ZBTB32: variants seen among roughly 807,000 people sequenced by gnomAD.
The protein encoded by ZBTB32 is zinc finger and BTB domain-containing protein 32.
In ZBTB32, 28 loss-of-function variants were observed where a neutral mutation model predicts 45.3. That is an observed-to-expected ratio of 0.62 (90% CI 0.46 to 0.85). The LOEUF is 0.85. Ranked by LOEUF, ZBTB32 falls within the 40% of genes least tolerant of loss-of-function variation. ZBTB32 has a pLI of 0.00. For synonymous variants in ZBTB32, 283 were observed against 255.7 expected (o/e 1.11, Z -1.02); for missense variants, 587 against 624.4 (o/e 0.94, Z 0.64).
At position 35,705,928 on chromosome 19, in the gene ZBTB32, T is replaced by TA. The variant is rs543252977; in HGVS notation, c.-222+1319dup. 3.3e-3 allele frequency among the ~76,000 whole-genome samples: 408 copies of TA among 121,798 alleles called. 3 individuals are homozygous for TA. Among genetic ancestry groups the TA allele is most frequent in the Middle Eastern group, 9.5e-3 (2 of 210 alleles). The allele number at this position is 121,798 out of a possible 152,430, so 79.9% of individuals were successfully genotyped here. ...TCTGTCTCAAAAAAAAAAAATTAAT[T>TA]AAAAAAAAAAAAAAGCAGGGCCAGG... On this transcript the variant is annotated intron_variant, in intron 1 of 6. Coordinates refer to ENST00000392197, the MANE Select transcript of ZBTB32 (RefSeq NM_014383.3).
rs773889744 is a variant in ZBTB32, at chr19:35,715,440, T to C, written c.814T>C (p.Tyr272His). Residue 272 changes from tyrosine (Y) to histidine (H), a missense_variant, in exon 3 of 7, where the codon TAT becomes CAT. Physicochemically the swap from Tyr to His is moderately conservative, Grantham distance 83. Coordinates refer to ENST00000392197, the MANE Select transcript of ZBTB32 (RefSeq NM_014383.3). ...GAGCATCCTGCTGATGCCGCCCAGA[T>C]ATGGCATTCCCTTCTACCATAGCAC... ...LWSILLMPPR[Y>H]GIPFYHSTPT... 3 of 1,593,934 alleles carry C rather than the reference T, an allele frequency of 1.9e-6. No homozygotes were observed. The highest frequency in any genetic ancestry group is 1.7e-4 in the Middle Eastern group (1 of 5,964).
intron 1 of ZBTB32, among the ~76,000 whole-genome samples, chr19:35,707,754 G>T (rs1968584215): frequency 6.6e-6 from 1 of 152,074 alleles, no homozygotes; most frequent in Non-Finnish European, 1.5e-5. Context: ...GGCTGAGGCG[G>T]GTGGATCACT....
intron 1 of ZBTB32, among the ~76,000 whole-genome samples, chr19:35,710,716 G>A (rs969662050): frequency 2.0e-5 from 3 of 152,182 alleles, no homozygotes. Context: ...TGGCGCCACT[G>A]CACTCCAGCT....
rs557267295 is a variant in ZBTB32, at chr19:35,710,546, G to A, written c.-221-2371G>A. Among the ~76,000 whole-genome samples the A allele has an allele frequency of 3.3e-5, 5 of 151,984 alleles. No homozygotes were observed. In the East Asian group the frequency reaches 9.7e-4, roughly 30 times the overall value. Reference sequence around the variant, plus strand: ...AGCAGTGGATCACCTGAGGTTAGGAGTTCGAGACCAGCCTGGCTAACATGG... The same window carrying A: ...AGCAGTGGATCACCTGAGGTTAGGAATTCGAGACCAGCCTGGCTAACATGG... On this transcript the variant is annotated intron_variant, in intron 1 of 6. Transcript: ENST00000392197.
At chr19:35,707,258 G>A (rs974454468) in intron 1 of ZBTB32, among the ~76,000 whole-genome samples, 4 of 146,746 alleles carry the variant, frequency 2.7e-5, no homozygotes, top group Non-Finnish European at 6.0e-5. Flanking sequence ...GGAGGGGAGG[G>A]TAAAGAATAA....
chr19:35,712,051 A>G (rs948669891), intron 1 of ZBTB32, among the ~76,000 whole-genome samples: 12 of 151,210 alleles, frequency 7.9e-5, no homozygotes, highest in African/African-American at 2.4e-4. Flanking sequence ...AAAAAAAAAA[A>G]AGAGAAGCCT....
rs1968799023 is a variant in ZBTB32, at chr19:35,714,601, G to C, written c.-26G>C. On this transcript the variant is annotated 5_prime_UTR_variant, in exon 3 of 7. Coordinates refer to ENST00000392197, the MANE Select transcript of ZBTB32 (RefSeq NM_014383.3). The stretch of plus-strand genomic sequence containing the variant: ...CTGTGGACTTCCTCTTAGAGCCTCT[G>C]AGTTAGGTACCCAAGCCAAGGCACA... The C allele has an allele frequency of 6.7e-7, 1 of 1,501,106 alleles. No individual in the cohort carries two copies. The highest frequency in any genetic ancestry group is 8.9e-7 in the Non-Finnish European group (1 of 1,121,350). 93.0% of individuals were successfully genotyped at this position (1,501,106 alleles called of 1,614,324 possible).
rs534335318 is a variant in ZBTB32, at chr19:35,712,119, A to G, written c.-221-798A>G. ...CAGCTTACCAGTACCTGACTTGTTTATCTTCCAGTCATTTACTGTGTATCT... is the reference window on the plus strand; with the variant it reads ...CAGCTTACCAGTACCTGACTTGTTTGTCTTCCAGTCATTTACTGTGTATCT... On this transcript the variant is annotated intron_variant, in intron 1 of 6. Coordinates refer to ENST00000392197, the MANE Select transcript of ZBTB32 (RefSeq NM_014383.3). Among the ~76,000 whole-genome samples the G allele has an allele frequency of 4.8e-4, 72 of 148,990 alleles. 1 individual carries two copies. The highest frequency in any genetic ancestry group is 3.6e-3 in the Middle Eastern group (1 of 276).
rs1968829002 is a variant in ZBTB32 at position 35,715,215 on chromosome 19, C to T, written c.589C>T (p.Gln197Ter). Residue 197 changes from glutamine to a stop codon, truncating the protein, a stop_gained, in exon 3 of 7, where the codon CAA (glutamine) becomes TAA (stop). Transcript: ENST00000392197. LOFTEE classifies it high-confidence loss of function. ...EQTRSKEKRL[Q>*]APVGQRGADG... is the part of the protein sequence containing the mutation. ...GACCAGGTCAAAGGAGAAACGCCTCCAAGCCCCTGTTGGCCAAAGGGGAGC... is the reference window on the plus strand; with the variant it reads ...GACCAGGTCAAAGGAGAAACGCCTCTAAGCCCCTGTTGGCCAAAGGGGAGC... 3 of 1,607,140 alleles carry T rather than the reference C, an allele frequency of 1.9e-6. No individual in the cohort carries two copies. The highest frequency in any genetic ancestry group is 2.5e-6 in the Non-Finnish European group (3 of 1,178,180).
chr19:35,708,547 C>T (rs1274922020), intron 1 of ZBTB32, among the ~76,000 whole-genome samples: 1 of 152,202 alleles, frequency 6.6e-6, no homozygotes, highest in Non-Finnish European at 1.5e-5. Flanking sequence ...CATATGAGTG[C>T]TGAAGAGAAG....
At chr19:35,706,573 A>C (rs1968549646) in intron 1 of ZBTB32, among the ~76,000 whole-genome samples, 3 of 152,104 alleles carry the variant, frequency 2.0e-5, no homozygotes, top group Admixed American at 1.3e-4. Flanking sequence ...AATGCAAAAA[A>C]TTAGCCGGGC....
chr19:35,715,544 G>A (rs771467945), intron 3 of ZBTB32, 37 bp downstream of exon 3: 3 of 1,512,508 alleles, frequency 2.0e-6, no homozygotes, highest in Admixed American at 2.2e-5. Context: ...CTCCAGGCTG[G>A]GAGGGCATGG....
intron 2 of ZBTB32, chr19:35,713,532 CCT>C (rs1355279860): frequency 6.6e-6 from 1 of 152,464 alleles, no homozygotes; most frequent in Admixed American, 6.5e-5. Flanking sequence ...AACCTAGAGC[CCT>C]CTCCCTGAGG....
At chr19:35,708,535 T>C (rs555282386) in intron 1 of ZBTB32, among the ~76,000 whole-genome samples, 1 of 152,160 alleles carries the variant, frequency 6.6e-6, no homozygotes, top group Non-Finnish European at 1.5e-5. Flanking sequence ...AAGACTTAGC[T>C]CCATATGAGT....
In ZBTB32 at chr19:35,711,171, A is replaced by G. The variant is rs1156607422; in HGVS notation, c.-221-1746A>G. Among the ~76,000 whole-genome samples, 4 of 152,274 alleles carry G rather than the reference A, an allele frequency of 2.6e-5. No individual in the cohort carries two copies. In the South Asian group the frequency reaches 6.2e-4, roughly 24 times the overall value. ...AGCGGGGGAGCTGAGTCACAAGCAC[A>G]TGATGTGGGGCTGGAAAGCGAGGGG... On this transcript the variant is annotated intron_variant, in intron 1 of 6. Coordinates refer to ENST00000392197, the MANE Select transcript of ZBTB32 (RefSeq NM_014383.3).
At chr19:35,706,567 C>CA (rs1189677777) in intron 1 of ZBTB32, among the ~76,000 whole-genome samples, 1 of 151,764 alleles carries the variant, frequency 6.6e-6, no homozygotes, top group Non-Finnish European at 1.5e-5. Context: ...ACTAAAAATG[C>CA]AAAAAATTAG....
chr19:35,714,652 C>T lies in ZBTB32; in HGVS notation c.26C>T (p.Pro9Leu), dbSNP rs1446929967. The change falls in exon 3 of 7, where the codon CCC becomes CTC. Residue 9 changes from proline (P) to leucine (L), a missense_variant. By Grantham distance (98) the Pro-to-Leu change is moderately conservative. Coordinates refer to ENST00000392197, the MANE Select transcript of ZBTB32 (RefSeq NM_014383.3). MSLPPIRL[P>L]SPYGSDRLVQ... is the part of the protein sequence containing the mutation. ...ATGTCCCTGCCCCCCATAAGACTGC[C>T]CAGCCCCTATGGCTCTGATCGGCTG... 1 of 1,573,144 alleles carries T rather than the reference C, an allele frequency of 6.4e-7. No homozygotes were observed. The highest frequency in any genetic ancestry group is 1.2e-5 in the South Asian group (1 of 86,582).
chr19:35,716,181 C>G lies in ZBTB32; in HGVS notation c.1073C>G (p.Pro358Arg). 1 of 1,613,908 alleles carries G rather than the reference C, an allele frequency of 6.2e-7. No homozygotes were observed. The highest frequency in any genetic ancestry group is 1.3e-5 in the African/African-American group (1 of 75,050). The change falls in exon 6 of 7, where the codon CCT (proline) becomes CGT (arginine). Residue 358 changes from proline (P) to arginine (R), a missense_variant. Pro to Arg is a moderately radical substitution (Grantham distance 103). Transcript: ENST00000392197. Reference protein sequence around the residue: ...AGHEDKAGCPPRPHPPPAPPA... With the variant: ...AGHEDKAGCPRRPHPPPAPPA... ...CATGAGGACAAGGCAGGCTGCCCAC[C>G]TCGCCCGCACCCTCCCCCGGCCCCT...
At position 35,716,025 on chromosome 19, in the gene ZBTB32, A is replaced by C. The variant is rs773356784; in HGVS notation, c.1024+18A>C. 6.2e-6 allele frequency: 10 copies of C among 1,611,004 alleles called. No homozygotes were observed. The African/African-American group carries it at 1.1e-4, about 17-fold the overall frequency. On this transcript the variant is annotated intron_variant, in intron 5 of 6. Transcript: ENST00000392197. ...GCACACAGGTGAGTCGGGCGGGGGC[A>C]CTCGTGCCTCAGCCCCACTGTAGCC...
Sources: gnomAD v4.1 joint callset for allele counts (sites outside exome capture counted in the v4.1 genomes callset) on GRCh38, gnomAD v4.1.1 for gene constraint, MANE v1.5 for transcripts, NCBI Gene and HGNC (gene_info 2026-07-23, HGNC 2026-07-21) for gene names.